The following MAP4K5 variants were observed in gnomAD, a reference collection of about 807,000 sequenced individuals.
MAP4K5 encodes the protein MAPK/ERK kinase kinase kinase 5.
In MAP4K5, 82 loss-of-function variants were observed where a neutral mutation model predicts 135.6. The observed-to-expected ratio is 0.60, with a 90% CI of 0.51 to 0.73. The LOEUF (loss-of-function observed/expected upper bound fraction) is 0.73. MAP4K5 is among the 30% of genes least tolerant of loss of function. The pLI is 0.00. For missense variants in MAP4K5, 907 were observed against 1,010.9 expected (o/e 0.90, Z 1.39); for synonymous variants, 347 against 335.0 (o/e 1.04, Z -0.39).
At chr14:50,498,727 G>A (rs17791680) in intron 3 of MAP4K5, among the ~76,000 whole-genome samples, 43,507 of 152,070 alleles carry the variant, frequency 0.29, 7,355 homozygotes, top group South Asian at 0.38. Context: ...TAAGTTTACA[G>A]CTGGAATTTC....
chr14:50,483,802 C>T lies in MAP4K5; in HGVS notation c.323-1386G>A, dbSNP rs561006293. 7.4e-5 allele frequency among the ~76,000 whole-genome samples: 11 copies of T among 149,062 alleles called. No individual in the cohort carries two copies. In the South Asian group the frequency reaches 1.5e-3, roughly 20 times the overall value. On this transcript the variant is annotated intron_variant, in intron 5 of 32. Transcript: ENST00000682126. ...GTGAATGGACAAAAATTACAATTAC[C>T]GAATAAAAACTTTTCACAGAAAAGA...
upstream of MAP4K5, among the ~76,000 whole-genome samples, chr14:50,536,359 C>T (rs2038492196): frequency 6.6e-6 from 1 of 151,614 alleles, no homozygotes; most frequent in Non-Finnish European, 1.5e-5. Flanking sequence ...TCGCTTGAAC[C>T]CAGGAAGTAG....
chr14:50,522,517 C>A (rs574052756), intron 2 of MAP4K5, among the ~76,000 whole-genome samples: 1 of 152,220 alleles, frequency 6.6e-6, no homozygotes, highest in Non-Finnish European at 1.5e-5. Flanking sequence ...TAAATATCCA[C>A]AACAGTAGCA....
At chr14:50,449,077 T>G (rs1270433321) in intron 14 of MAP4K5, 11 of 408,554 alleles carry the variant, frequency 2.7e-5, no homozygotes, top group East Asian at 1.8e-4. Context: ...TAAACAGTTC[T>G]TTTTGTATAA....
intron 1 of MAP4K5, among the ~76,000 whole-genome samples, chr14:50,556,595 C>G (rs1035064087): frequency 6.6e-6 from 1 of 152,096 alleles, no homozygotes; most frequent in African/African-American, 2.4e-5. Context: ...TTCATTGCCC[C>G]CAAAAGAAAC....
intron 2 of MAP4K5, 60 bp downstream of exon 2, chr14:50,531,882 G>A (rs2038397931): frequency 8.6e-7 from 1 of 1,162,178 alleles, no homozygotes; most frequent in Non-Finnish European, 1.3e-6. Flanking sequence ...TCGCAGGAAA[G>A]TGGCCCCATT....
intron 6 of MAP4K5, among the ~76,000 whole-genome samples, chr14:50,479,005 GT>G (rs371399947): frequency 2.6e-5 from 4 of 151,320 alleles, no homozygotes; most frequent in African/African-American, 9.8e-5. Flanking sequence ...AGTTTTTTTC[GT>G]TTTTTTTTTT....
chr14:50,511,571 C>A (rs1260527053), intron 2 of MAP4K5, among the ~76,000 whole-genome samples: 1 of 151,924 alleles, frequency 6.6e-6, no homozygotes. Context: ...CAAATGTTCC[C>A]AACACAAAGA....
chr14:50,462,908 A>C (rs2036744473), intron 12 of MAP4K5, 127 bp from the exon 13 acceptor site: 1 of 580,254 alleles, frequency 1.7e-6, no homozygotes, highest in African/African-American at 2.0e-5. Context: ...TAACACAAAT[A>C]AACTGTGTTA....
At chr14:50,524,939 T>C (rs2038230459) in intron 2 of MAP4K5, among the ~76,000 whole-genome samples, 1 of 152,182 alleles carries the variant, frequency 6.6e-6, no homozygotes, top group South Asian at 2.1e-4. Context: ...ATGATAGAGA[T>C]CATCTCTTGA....
intron 2 of MAP4K5, among the ~76,000 whole-genome samples, chr14:50,524,828 A>T (rs1254317533): frequency 6.6e-6 from 1 of 152,240 alleles, no homozygotes; most frequent in Non-Finnish European, 1.5e-5. Flanking sequence ...AAAGGAAATA[A>T]AGGAGAAATG....
At chr14:50,520,236 C>T (rs149850543) in intron 2 of MAP4K5, among the ~76,000 whole-genome samples, 4,129 of 152,196 alleles carry the variant, frequency 0.027, 72 homozygotes, top group East Asian at 0.067. Flanking sequence ...TGGTGGCTCA[C>T]GCCTGTAATC....
At chr14:50,431,938 T>A (rs1033936057) in intron 28 of MAP4K5, among the ~76,000 whole-genome samples, 21 of 152,202 alleles carry the variant, frequency 1.4e-4, no homozygotes, top group African/African-American at 4.3e-4. Context: ...AACTGCACAT[T>A]CAAACATAAA....
At chr14:50,517,226 A>G (rs968151793) in intron 2 of MAP4K5, among the ~76,000 whole-genome samples, 1 of 148,132 alleles carries the variant, frequency 6.8e-6, no homozygotes, top group Non-Finnish European at 1.5e-5. Context: ...ATCTCCGCCC[A>G]CTGCAACTTC....
intron 2 of MAP4K5, among the ~76,000 whole-genome samples, chr14:50,524,320 T>C (rs148744999): frequency 0.02 from 2,993 of 152,274 alleles, 56 homozygotes; most frequent in Non-Finnish European, 0.027. Flanking sequence ...TTACCAATCA[T>C]ACCTCAACTC....
At chr14:50,482,889 G>A (rs1450095037) in intron 5 of MAP4K5, 2 of 152,664 alleles carry the variant, frequency 1.3e-5, no homozygotes, top group Admixed American at 1.3e-4. Context: ...TATTATTTCT[G>A]TCAACAAGAA....
At chr14:50,513,229 T>C (rs2037965848) in intron 2 of MAP4K5, among the ~76,000 whole-genome samples, 1 of 152,188 alleles carries the variant, frequency 6.6e-6, no homozygotes, top group African/African-American at 2.4e-5. Flanking sequence ...TTTCATCTCT[T>C]AATTCATATT....
chr14:50,432,486 A>C (rs569367537), intron 28 of MAP4K5, among the ~76,000 whole-genome samples: 1 of 151,966 alleles, frequency 6.6e-6, no homozygotes, highest in Admixed American at 6.5e-5. Flanking sequence ...AATTTTAGCC[A>C]AGACAATGTT....
intron 2 of MAP4K5, among the ~76,000 whole-genome samples, chr14:50,510,125 T>A (rs1427250135): frequency 6.6e-6 from 1 of 152,190 alleles, no homozygotes; most frequent in Non-Finnish European, 1.5e-5. Flanking sequence ...ATTCTGCCAT[T>A]CACTGCCACT....
Sources: allele counts gnomAD v4.1 joint callset (sites outside exome capture counted in the v4.1 genomes callset), GRCh38; gene constraint gnomAD v4.1.1; transcripts MANE v1.5; gene names NCBI Gene and HGNC (gene_info 2026-07-23, HGNC 2026-07-21).